The following LRFN5 variants were observed in gnomAD, a reference collection of about 807,000 sequenced individuals.
LRFN5 encodes leucine-rich repeat and fibronectin type-III domain-containing protein 5.
Under a neutral mutation model 45.6 loss-of-function variants are expected in LRFN5, and 24 were observed. The ratio of observed to expected loss-of-function variants is 0.53; its 90% CI spans 0.38 to 0.74. The LOEUF is 0.74. Among genes scored for constraint, LRFN5 ranks in the 30% least tolerant of loss-of-function variants. LRFN5 has a pLI of 0.00. For missense variants in LRFN5, 776 were observed against 861.5 expected (o/e 0.90, Z 1.24); for synonymous variants, 340 against 313.8 (o/e 1.08, Z -0.88).
chr14:41,877,668 T>G (rs527540883), intron 2 of LRFN5, among the ~76,000 whole-genome samples: 15 of 151,978 alleles, frequency 9.9e-5, no homozygotes, highest in Non-Finnish European at 1.6e-4. Flanking sequence ...AGAACAAAAA[T>G]TACAGGATAC....
At chr14:41,664,245 A>G (rs1051157902) in intron 1 of LRFN5, among the ~76,000 whole-genome samples, 1 of 152,106 alleles carries the variant, frequency 6.6e-6, no homozygotes, top group Non-Finnish European at 1.5e-5. Flanking sequence ...AATACTATCA[A>G]GAATAGCTAA....
intron 1 of LRFN5, among the ~76,000 whole-genome samples, chr14:41,703,338 GA>G (rs932813242): frequency 1.3e-5 from 2 of 152,018 alleles, no homozygotes; most frequent in African/African-American, 4.8e-5. Context: ...TGGAAGAGAA[GA>G]TTTCTATAAA....
chr14:41,734,408 T>A (rs1184652802), intron 1 of LRFN5, among the ~76,000 whole-genome samples: 1 of 143,162 alleles, frequency 7.0e-6, no homozygotes, highest in Non-Finnish European at 1.5e-5. Context: ...CATAATGACA[T>A]CATTTTCTTT....
intron 2 of LRFN5, among the ~76,000 whole-genome samples, chr14:41,840,387 T>G (rs1888817794): frequency 6.6e-6 from 1 of 152,082 alleles, no homozygotes; most frequent in Non-Finnish European, 1.5e-5. Context: ...TTTGTGGTTA[T>G]TTTCAAAGCA....
At position 41,879,976 on chromosome 14, in the gene LRFN5, G is replaced by A. The variant is rs139961153; in HGVS notation, c.-20-6630G>A. ...CTCACTCTGTTGCCCAGGCTGGAGT[G>A]CAGTGGCAAGATCTAATGTCGGCTC... On this transcript the variant is annotated intron_variant, in intron 2 of 5. Coordinates refer to ENST00000298119, the MANE Select transcript of LRFN5 (RefSeq NM_152447.5). Among the ~76,000 whole-genome samples, 615 of 133,718 alleles carry A rather than the reference G, an allele frequency of 4.6e-3. 2 individuals carry two copies. Among genetic ancestry groups the A allele is most frequent in the African/African-American group, 0.017 (594 of 35,128 alleles). 87.7% of individuals were successfully genotyped at this position (133,718 alleles called of 152,430 possible).
At chr14:41,807,774 G>T (rs1172031337) in intron 2 of LRFN5, among the ~76,000 whole-genome samples, 1 of 152,142 alleles carries the variant, frequency 6.6e-6, no homozygotes, top group African/African-American at 2.4e-5. Context: ...ACATAGATTT[G>T]AATGAAGATA....
chr14:41,688,954 G>C (rs1360827566), intron 1 of LRFN5, among the ~76,000 whole-genome samples: 6 of 151,722 alleles, frequency 4.0e-5, no homozygotes, highest in African/African-American at 1.4e-4. Flanking sequence ...CTGGGTGTTG[G>C]GGTGTATGAC....
intron 4 of LRFN5, chr14:41,894,480 T>C (rs1890876205): frequency 1.0e-6 from 1 of 961,648 alleles, no homozygotes; most frequent in Non-Finnish European, 1.2e-6. Context: ...TTCTTAAAAA[T>C]GATAGAAAGG....
At chr14:41,800,100 A>G (rs555990350) in intron 2 of LRFN5, among the ~76,000 whole-genome samples, 153 of 152,214 alleles carry the variant, frequency 1.0e-3, no homozygotes, top group African/African-American at 3.5e-3. Flanking sequence ...TAATATTTCT[A>G]AAGGGCACTT....
At position 41,715,184 on chromosome 14, in the gene LRFN5, A is replaced by G. The variant is rs549666470; in HGVS notation, c.-196-51670A>G. Among the ~76,000 whole-genome samples the G allele has an allele frequency of 6.6e-5, 10 of 152,348 alleles. No individual in the cohort carries two copies. In the East Asian group the frequency reaches 9.7e-4, roughly 15 times the overall value. The stretch of plus-strand genomic sequence containing the variant: ...GAAAACATCTTCAAAATCTTGTGCT[A>G]TCTCTAATGCGTGAGACTGCATTAC... On this transcript the variant is annotated intron_variant, in intron 1 of 5. Transcript: ENST00000298119.
intron 2 of LRFN5, among the ~76,000 whole-genome samples, chr14:41,852,542 T>C (rs1309097809): frequency 6.6e-6 from 1 of 151,992 alleles, no homozygotes; most frequent in Non-Finnish European, 1.5e-5. Flanking sequence ...ATACTACATA[T>C]TGACATAAAG....
intron 2 of LRFN5, among the ~76,000 whole-genome samples, chr14:41,874,908 C>A (rs1199284674): frequency 6.6e-6 from 1 of 152,050 alleles, no homozygotes; most frequent in Non-Finnish European, 1.5e-5. Flanking sequence ...GAGAAAAAGC[C>A]CCTTATAAAA....
At chr14:41,720,693 G>C (rs1883679486) in intron 1 of LRFN5, among the ~76,000 whole-genome samples, 1 of 151,946 alleles carries the variant, frequency 6.6e-6, no homozygotes, top group South Asian at 2.1e-4. Context: ...GTGTGGTTTG[G>C]GGAAACTATT....
At chr14:41,854,316 C>T (rs1376658826) in intron 2 of LRFN5, among the ~76,000 whole-genome samples, 1 of 140,896 alleles carries the variant, frequency 7.1e-6, no homozygotes. Flanking sequence ...TTTATGGCTG[C>T]ATAGTATTCC....
chr14:41,628,602 TATAAATAA>T (rs56242603), intron 1 of LRFN5, among the ~76,000 whole-genome samples: 6 of 151,052 alleles, frequency 4.0e-5, no homozygotes, highest in African/African-American at 1.5e-4. Flanking sequence ...AGACCCTGTC[TATAAATAA>T]ATAAATAAAT....
intron 2 of LRFN5, among the ~76,000 whole-genome samples, chr14:41,772,883 A>G (rs1177186309): frequency 2.0e-5 from 3 of 152,156 alleles, no homozygotes; most frequent in Non-Finnish European, 2.9e-5. Flanking sequence ...TCTAAAATTC[A>G]TCTACTTTTC....
At chr14:41,886,062 A>G (rs1890561998) in intron 2 of LRFN5, among the ~76,000 whole-genome samples, 1 of 150,832 alleles carries the variant, frequency 6.6e-6, no homozygotes, top group Admixed American at 6.6e-5. Flanking sequence ...GATCTATGTC[A>G]AGATAGTTTG....
At position 41,630,423 on chromosome 14, in the gene LRFN5, T is replaced by C. The variant is rs532670430; in HGVS notation, c.-197+21861T>C. Among the ~76,000 whole-genome samples the C allele has an allele frequency of 2.5e-4, 38 of 152,296 alleles. No homozygotes were observed. In the South Asian group the frequency reaches 3.3e-3, roughly 13 times the overall value. ...ATTGCTGATCCTATTTAAGGGTTTC[T>C]GAAGACTGCTTTTGAGAAATGCATG... On this transcript the variant is annotated intron_variant, in intron 1 of 5. Coordinates refer to ENST00000298119, the MANE Select transcript of LRFN5 (RefSeq NM_152447.5).
At chr14:41,824,430 T>G (rs1000533190) in intron 2 of LRFN5, among the ~76,000 whole-genome samples, 1 of 152,170 alleles carries the variant, frequency 6.6e-6, no homozygotes, top group Admixed American at 6.5e-5. Flanking sequence ...TCCTTGGTTG[T>G]AGAAGCTTTT....
Sources: gnomAD v4.1 joint callset for allele counts (sites outside exome capture counted in the v4.1 genomes callset) on GRCh38, gnomAD v4.1.1 for gene constraint, MANE v1.5 for transcripts, NCBI Gene and HGNC (gene_info 2026-07-23, HGNC 2026-07-21) for gene names.